The following CSAG1 variants were observed in gnomAD, a reference collection of about 807,000 sequenced individuals.
CSAG1 encodes the protein chondrosarcoma-associated gene 1 protein.
A neutral mutation model predicts 4.8 loss-of-function variants in CSAG1; 4 were observed. The observed-to-expected ratio is 0.83, with a 90% CI of 0.41 to 1.90. The LOEUF is 1.90. Ranked by LOEUF, CSAG1 falls within the 40% of genes most tolerant of loss-of-function variation. CSAG1 has a pLI of 0.03. For missense variants in CSAG1, 69 were observed against 59.5 expected (o/e 1.16, Z -0.53); for synonymous variants, 21 against 23.1 (o/e 0.91, Z 0.26).
At chrX:152,729,829 A>G (rs1349024365) in intron 2 of CSAG1, among the ~76,000 whole-genome samples, 2 of 110,103 alleles carry the variant, frequency 1.8e-5, no homozygotes, top group African/African-American at 6.6e-5. Context: ...AAAAAACGGA[A>G]CATAGACTTA....
In CSAG1 at chrX:152,728,072, G is replaced by T. The variant is rs1556830726; in HGVS notation, c.167+2C>A. On this transcript the variant is annotated splice_donor_variant, in intron 3 of 3. Transcript: ENST00000452779. LOFTEE classifies it high-confidence loss of function. Reference sequence around the variant, plus strand: ...ATGAGAGGATGCTTTCCCCTTCCTCGCCTCTTTGGTGTTGATGGGTGGTTG... The same window carrying T: ...ATGAGAGGATGCTTTCCCCTTCCTCTCCTCTTTGGTGTTGATGGGTGGTTG... 8.3e-7 allele frequency: 1 copy of T among 1,210,893 alleles called. No homozygotes were observed. The highest frequency in any genetic ancestry group is 1.7e-5 in the African/African-American group (1 of 57,507).
chrX:152,727,801 G>A lies in CSAG1; in HGVS notation c.230C>T (p.Ser77Phe). The change falls in exon 4 of 4, where the codon TCT (serine) becomes TTT (phenylalanine). Residue 77 changes from serine (S) to phenylalanine (F), a missense_variant. Coordinates refer to ENST00000452779, the MANE Select transcript of CSAG1 (RefSeq NM_001102576.3). ...PVKEVPGTKG[S>F]P ...TTTTGAAGCGGTGGTCTTTTAGGGA[G>A]AGCCTTTTGTTCCTGGAACTTCCTT... 8.3e-7 allele frequency: 1 copy of A among 1,210,932 alleles called. No individual in the cohort carries two copies. The highest frequency in any genetic ancestry group is 1.1e-6 in the Non-Finnish European group (1 of 894,785).
chrX:152,731,750 A>G (rs1418549582), intron 2 of CSAG1, among the ~76,000 whole-genome samples: 1 of 111,346 alleles, frequency 9.0e-6, no homozygotes, highest in Non-Finnish European at 1.9e-5. Flanking sequence ...GTTTCATTGT[A>G]ATTCCTTACA....
chrX:152,731,726 G>GAA lies in CSAG1; in HGVS notation c.16+717_16+718dup, dbSNP rs11305947. On this transcript the variant is annotated intron_variant, in intron 2 of 3. Coordinates refer to ENST00000452779, the MANE Select transcript of CSAG1 (RefSeq NM_001102576.3). The stretch of plus-strand genomic sequence containing the variant: ...GGAAATAACATATGATTTAACATCA[G>GAA]AAAAAAAAAAACGGTTTCATTGTAA... 3.8e-3 allele frequency among the ~76,000 whole-genome samples: 375 copies of GAA among 97,738 alleles called. 2 individuals carry two copies. The highest frequency in any genetic ancestry group is 0.01 in the Middle Eastern group (2 of 193). 84.9% of individuals were successfully genotyped at this position (97,738 alleles called of 115,157 possible). A position where few individuals can be genotyped will look rare whatever the true frequency, so the allele number is the denominator to read the frequency against.
At chrX:152,733,355 C>T (rs1932205891) in intron 1 of CSAG1, 3 of 112,338 alleles carry the variant, frequency 2.7e-5, no homozygotes, top group Admixed American at 9.3e-5. Flanking sequence ...CCCTCCCCCA[C>T]GTAGTGGGAC....
intron 3 of CSAG1, 30 bp from the exon 4 acceptor site, chrX:152,727,893 G>T (rs1950330677): frequency 5.0e-6 from 6 of 1,203,314 alleles, no homozygotes; most frequent in Non-Finnish European, 5.6e-6. Flanking sequence ...ATCACAGGAG[G>T]GCACTGGTTT....
chrX:152,729,471 G>A (rs1375194110), intron 2 of CSAG1, among the ~76,000 whole-genome samples: 5 of 112,363 alleles, frequency 4.4e-5, no homozygotes, highest in Non-Finnish European at 9.4e-5. Flanking sequence ...GTACACATAT[G>A]TGATAAAGAA....
At chrX:152,732,697 C>T (rs1163054205) in intron 1 of CSAG1, among the ~76,000 whole-genome samples, 193 bp from the exon 2 acceptor site, 3 of 112,379 alleles carry the variant, frequency 2.7e-5, no homozygotes, top group Middle Eastern at 4.6e-3. Context: ...GCCTAGACGG[C>T]AGATAACAGA....
chrX:152,727,754 G>T lies in CSAG1; in HGVS notation c.*40C>A, dbSNP rs1556830528. 3 of 1,193,660 alleles carry T rather than the reference G, an allele frequency of 2.5e-6. No homozygotes were observed. The East Asian group carries it at 8.9e-5, about 35-fold the overall frequency. On this transcript the variant is annotated 3_prime_UTR_variant, in exon 4 of 4. Transcript: ENST00000452779. ...TGGTCAGAGTGGCTGGATAGTGTTG[G>T]CCCACTCCATTCCTCAGGTTTTTTT...
intron 2 of CSAG1, among the ~76,000 whole-genome samples, chrX:152,731,601 C>T (rs1295958395): frequency 9.0e-6 from 1 of 111,473 alleles, no homozygotes; most frequent in Non-Finnish European, 1.9e-5. Flanking sequence ...CACATCCCTC[C>T]CCGATGGAAA....
At chrX:152,731,502 A>G (rs1932154308) in intron 2 of CSAG1, among the ~76,000 whole-genome samples, 1 of 112,040 alleles carries the variant, frequency 8.9e-6, no homozygotes, top group Non-Finnish European at 1.9e-5. Context: ...ACCATCTTAT[A>G]TCAACTCTTC....
At chrX:152,728,486 T>A (rs1413474568) in intron 2 of CSAG1, among the ~76,000 whole-genome samples, 1 of 111,919 alleles carries the variant, frequency 8.9e-6, no homozygotes, top group Admixed American at 9.4e-5. Flanking sequence ...CCACTGCAAA[T>A]ATCTTGCACC....
chrX:152,729,360 T>A (rs1556831371), intron 2 of CSAG1, among the ~76,000 whole-genome samples: 1,920 of 111,686 alleles, frequency 0.017, 36 homozygotes, highest in African/African-American at 0.05. Context: ...GAAAGAAAAA[T>A]TTGCCAAGTT....
chrX:152,731,143 G>C, intron 2 of CSAG1, among the ~76,000 whole-genome samples: 1 of 111,976 alleles, frequency 8.9e-6, no homozygotes, highest in African/African-American at 3.2e-5. Flanking sequence ...AGGTAGGCAA[G>C]TGTCTAACTG....
At chrX:152,731,658 C>T (rs1480302110) in intron 2 of CSAG1, among the ~76,000 whole-genome samples, 4 of 109,740 alleles carry the variant, frequency 3.6e-5, no homozygotes, top group Non-Finnish European at 7.6e-5. Context: ...AATACCTTAC[C>T]TAAATTAGTA....
At chrX:152,732,702 A>G (rs1424450841) in intron 1 of CSAG1, among the ~76,000 whole-genome samples, 198 bp from the exon 2 acceptor site, 3 of 112,477 alleles carry the variant, frequency 2.7e-5, no homozygotes, top group Middle Eastern at 4.7e-3. Flanking sequence ...GACGGCAGAT[A>G]ACAGAATGGG....
intron 1 of CSAG1, 118 bp from the exon 2 acceptor site, chrX:152,732,622 G>T: frequency 1.1e-6 from 1 of 895,406 alleles, no homozygotes; most frequent in Non-Finnish European, 1.6e-6. Context: ...TGGTACTTGT[G>T]TGTGACACTT....
chrX:152,733,153 A>T (rs1382005999), intron 1 of CSAG1: 2 of 112,097 alleles, frequency 1.8e-5, no homozygotes, highest in Non-Finnish European at 3.8e-5. Context: ...GTCTTCTTCC[A>T]GAGGTCAATA....
intron 2 of CSAG1, among the ~76,000 whole-genome samples, chrX:152,729,080 A>G (rs1556831281): frequency 1.5e-4 from 17 of 110,692 alleles, no homozygotes; most frequent in South Asian, 4.0e-4. Context: ...AGACCTGCAC[A>G]CATATAGTCA....
Sources: allele counts gnomAD v4.1 joint callset (sites outside exome capture counted in the v4.1 genomes callset), GRCh38; gene constraint gnomAD v4.1.1; transcripts MANE v1.5; gene names NCBI Gene and HGNC (gene_info 2026-07-23, HGNC 2026-07-21).